IFNGR2: variants seen among roughly 807,000 people sequenced by gnomAD.
The protein encoded by IFNGR2 is IFN-gamma receptor 2.
In IFNGR2, 15 loss-of-function variants were observed where a neutral mutation model predicts 41.1. That is an observed-to-expected ratio of 0.37 (90% CI 0.24 to 0.56). The LOEUF is 0.56. IFNGR2 is among the 20% of genes least tolerant of loss of function. The pLI, the probability that IFNGR2 is intolerant of heterozygous loss-of-function variation, is 0.81. For synonymous variants in IFNGR2, 161 were observed against 171.6 expected (o/e 0.94, Z 0.48); for missense variants, 362 against 415.7 (o/e 0.87, Z 1.12).
chr21:33,428,052 C>G (rs2083854936), intron 4 of IFNGR2, among the ~76,000 whole-genome samples: 1 of 151,562 alleles, frequency 6.6e-6, no homozygotes, highest in Non-Finnish European at 1.5e-5. Flanking sequence ...TATACTAATC[C>G]GTTTGCAGAG....
chr21:33,429,801 TA>T (rs919528112), intron 4 of IFNGR2, among the ~76,000 whole-genome samples: 4 of 152,088 alleles, frequency 2.6e-5, no homozygotes, highest in African/African-American at 7.2e-5. Flanking sequence ...GTAGGGACGG[TA>T]AGCCACCTTA....
At chr21:33,432,465 G>T in intron 5 of IFNGR2, 129 bp downstream of exon 5, 1 of 968,518 alleles carries the variant, frequency 1.0e-6, no homozygotes, top group Non-Finnish European at 1.7e-6. Context: ...GTGCTGAACT[G>T]CAGGAATAAT....
chr21:33,416,098 G>A (rs1029110469), intron 2 of IFNGR2, among the ~76,000 whole-genome samples: 3 of 152,278 alleles, frequency 2.0e-5, no homozygotes, highest in Non-Finnish European at 4.4e-5. Flanking sequence ...CCATCCTCAA[G>A]TGATTTGCCC....
intron 1 of IFNGR2, among the ~76,000 whole-genome samples, chr21:33,406,230 C>G (rs769006506): frequency 1.3e-5 from 2 of 151,618 alleles, no homozygotes; most frequent in African/African-American, 4.9e-5. Context: ...ACGAAAATTA[C>G]CCGGGCGTGG....
intron 3 of IFNGR2, among the ~76,000 whole-genome samples, chr21:33,423,724 G>T (rs910762664): frequency 2.6e-5 from 4 of 152,068 alleles, no homozygotes; most frequent in Admixed American, 2.6e-4. Context: ...TTTTTAGAGA[G>T]GATCATGCCT....
intron 1 of IFNGR2, among the ~76,000 whole-genome samples, chr21:33,405,517 C>G (rs2083671502): frequency 6.6e-6 from 1 of 152,156 alleles, no homozygotes; most frequent in Non-Finnish European, 1.5e-5. Flanking sequence ...AGTGTGGGAT[C>G]AGCAGGCGAG....
intron 1 of IFNGR2, 37 bp downstream of exon 1, chr21:33,403,653 C>A: frequency 7.9e-7 from 1 of 1,263,278 alleles, no homozygotes; most frequent in South Asian, 2.3e-5. Context: ...GGGACGCGGG[C>A]GCAGCCGCAG....
At chr21:33,427,144 G>A in intron 4 of IFNGR2, 112 bp downstream of exon 4, 1 of 932,812 alleles carries the variant, frequency 1.1e-6, no homozygotes, top group Non-Finnish European at 1.8e-6. Flanking sequence ...ATGTCCCCGT[G>A]TCCCCATAGA....
intron 6 of IFNGR2, 88 bp from the exon 7 acceptor site, chr21:33,436,740 A>G: frequency 9.0e-7 from 1 of 1,109,578 alleles, no homozygotes. Context: ...TAAAAATAAA[A>G]ATAAAATAAA....
chr21:33,408,740 C>T (rs949732540), intron 1 of IFNGR2, among the ~76,000 whole-genome samples: 2 of 152,182 alleles, frequency 1.3e-5, no homozygotes, highest in African/African-American at 4.8e-5. Context: ...TACACATACA[C>T]TATGTGCCAT....
At chr21:33,432,931 G>A in intron 6 of IFNGR2, 60 bp downstream of exon 6, 2 of 1,403,804 alleles carry the variant, frequency 1.4e-6, no homozygotes, top group Non-Finnish European at 2.0e-6. Flanking sequence ...TGTTGCCCAG[G>A]CGGGAGTGTC....
intron 3 of IFNGR2, among the ~76,000 whole-genome samples, chr21:33,422,406 A>G (rs1032456707): frequency 1.3e-5 from 2 of 152,210 alleles, no homozygotes; most frequent in South Asian, 4.1e-4. Context: ...AATGTATAAG[A>G]CAATTGAAAT....
intron 1 of IFNGR2, among the ~76,000 whole-genome samples, chr21:33,413,208 C>T (rs1568952102): frequency 6.6e-6 from 1 of 152,198 alleles, no homozygotes; most frequent in Non-Finnish European, 1.5e-5. Context: ...TGGCTTTGGG[C>T]ATTGCTAGGT....
intron 1 of IFNGR2, 51 bp downstream of exon 1, chr21:33,403,667 G>T: frequency 8.1e-7 from 1 of 1,234,724 alleles, no homozygotes; most frequent in Non-Finnish European, 1.0e-6. Context: ...GCCGCAGCAT[G>T]TGGGGGCTGG....
At chr21:33,431,632 C>A (rs557467707) in intron 4 of IFNGR2, among the ~76,000 whole-genome samples, 1 of 152,186 alleles carries the variant, frequency 6.6e-6, no homozygotes, top group African/African-American at 2.4e-5. Flanking sequence ...TCCAGGCTGG[C>A]GCAATCTCAG....
intron 3 of IFNGR2, 145 bp downstream of exon 3, chr21:33,421,830 T>C: frequency 1.3e-6 from 1 of 757,704 alleles, no homozygotes; most frequent in Non-Finnish European, 2.3e-6. Flanking sequence ...CACTCTGACC[T>C]TGGAGGCTGA....
chr21:33,403,833 T>C (rs778409210), intron 1 of IFNGR2, among the ~76,000 whole-genome samples: 25 of 151,928 alleles, frequency 1.6e-4, no homozygotes, highest in Non-Finnish European at 3.1e-4. Flanking sequence ...TGCCCAGGGC[T>C]AGAGGGGCCC....
Position 33,420,182 on chromosome 21 carries a change from G to A in IFNGR2, c.207-1298G>A, listed in dbSNP as rs17878914. Among the ~76,000 whole-genome samples, 1,287 of 152,266 alleles carry A rather than the reference G, an allele frequency of 8.5e-3. 7 individuals carry two copies. The highest frequency in any genetic ancestry group is 0.013 in the Non-Finnish European group (874 of 68,022). On this transcript the variant is annotated intron_variant, in intron 2 of 6. Coordinates refer to ENST00000290219, the MANE Select transcript of IFNGR2 (RefSeq NM_005534.4). ...CGGAAGATGCATCTTGGAGAGGGTC[G>A]GAGGTACAGTTAGAAGCATGTGTGG...
chr21:33,412,080 C>G (rs1329791349), intron 1 of IFNGR2, among the ~76,000 whole-genome samples: 2 of 152,058 alleles, frequency 1.3e-5, no homozygotes, highest in East Asian at 3.9e-4. Context: ...CGCACCACCA[C>G]GCCCAGCTAA....
Sources: gnomAD v4.1 joint callset for allele counts (sites outside exome capture counted in the v4.1 genomes callset) on GRCh38, gnomAD v4.1.1 for gene constraint, MANE v1.5 for transcripts, NCBI Gene and HGNC (gene_info 2026-07-23, HGNC 2026-07-21) for gene names.